PLEKHA3: variants seen among roughly 807,000 people sequenced by gnomAD.
The protein encoded by PLEKHA3 is pleckstrin homology domain-containing family A member 3.
Under a neutral mutation model 39.2 loss-of-function variants are expected in PLEKHA3, and 19 were observed. The observed-to-expected ratio is 0.48, with a 90% CI of 0.34 to 0.71. PLEKHA3 has a LOEUF of 0.71. PLEKHA3 is among the 30% of genes least tolerant of loss of function. The pLI, the probability that PLEKHA3 is intolerant of heterozygous loss-of-function variation, is 0.01. For missense variants in PLEKHA3, 253 were observed against 359.5 expected, an observed-to-expected ratio of 0.70 and a Z score of 2.40; for synonymous variants, 97 against 118.6, an observed-to-expected ratio of 0.82 and a Z score of 1.18.
At position 178,493,008 on chromosome 2, in the gene PLEKHA3, T is replaced by G. The variant is rs184442337; in HGVS notation, c.314-845T>G. Among the ~76,000 whole-genome samples the G allele has an allele frequency of 3.3e-5, 5 of 152,370 alleles. No homozygotes were observed. The East Asian group carries it at 7.7e-4, about 23-fold the overall frequency. On this transcript the variant is annotated intron_variant, in intron 3 of 7. Transcript: ENST00000234453. ...ATTTAGGTTAGATTAAATGCGCAGATAGAGCTGCTTTGTCCATTCTGGCAA... is the reference window on the plus strand; with the variant it reads ...ATTTAGGTTAGATTAAATGCGCAGAGAGAGCTGCTTTGTCCATTCTGGCAA...
chr2:178,494,384 TAAAAC>T (rs1403938508), intron 4 of PLEKHA3, among the ~76,000 whole-genome samples: 3 of 152,190 alleles, frequency 2.0e-5, no homozygotes, highest in Non-Finnish European at 4.4e-5. Context: ...TGAAATAACT[TAAAAC>T]AAATCCTTCT....
chr2:178,493,107 A>T (rs547021421), intron 3 of PLEKHA3, among the ~76,000 whole-genome samples: 11 of 152,292 alleles, frequency 7.2e-5, no homozygotes, highest in African/African-American at 2.2e-4. Context: ...AAGCACCAGA[A>T]ATTTACTCTA....
chr2:178,497,206 A>AAT (rs1016588008), intron 5 of PLEKHA3, among the ~76,000 whole-genome samples: 17 of 150,506 alleles, frequency 1.1e-4, no homozygotes, highest in Non-Finnish European at 1.6e-4. Context: ...AAATAAAATA[A>AAT]ATATATATAT....
chr2:178,489,765 A>G lies in PLEKHA3; in HGVS notation c.158-894A>G, dbSNP rs559499349. Among the ~76,000 whole-genome samples the G allele has an allele frequency of 2.6e-5, 4 of 151,950 alleles. No homozygotes were observed. The East Asian group carries it at 7.7e-4, about 29-fold the overall frequency. On this transcript the variant is annotated intron_variant, in intron 2 of 7. Transcript: ENST00000234453. ...TTCTTCTCATTCATTTTCTTAACCA[A>G]ATCCCGCTTTCATCAAACCCTTCTT...
At chr2:178,503,636 T>TA in intron 7 of PLEKHA3, 124 bp from the exon 8 acceptor site, 2 of 1,023,182 alleles carry the variant, frequency 2.0e-6, no homozygotes, top group South Asian at 1.9e-5. Context: ...AACAAGGAAA[T>TA]ACAAAATTAG....
chr2:178,516,057 T>C lies in PLEKHA3; in HGVS notation c.*12170T>C, dbSNP rs1317374745. ...TATATATAGCTTATATATGTGTATA[T>C]ACACATACATATATATATATACATA... On this transcript the variant is annotated 3_prime_UTR_variant, in exon 8 of 8. Transcript: ENST00000234453. 1 of 151,224 alleles carries C rather than the reference T, an allele frequency of 6.6e-6. No individual in the cohort carries two copies. The highest frequency in any genetic ancestry group is 1.5e-5 in the Non-Finnish European group (1 of 67,734). The allele number at this position is 151,224 out of a possible 1,614,324, so 9.4% of individuals were successfully genotyped here. A position where few individuals can be genotyped will look rare whatever the true frequency, so the allele number is the denominator to read the frequency against.
chr2:178,488,818 C>A, intron 2 of PLEKHA3: 1 of 275,210 alleles, frequency 3.6e-6, no homozygotes, highest in South Asian at 3.7e-5. Flanking sequence ...GAATTATATT[C>A]TTGATGATAT....
chr2:178,491,073 C>T (rs1003921252), intron 3 of PLEKHA3, among the ~76,000 whole-genome samples: 9 of 146,960 alleles, frequency 6.1e-5, no homozygotes, highest in East Asian at 2.0e-4. Context: ...TGCAATGGCG[C>T]GATCTCGGCT....
At position 178,515,650 on chromosome 2, in the gene PLEKHA3, T is replaced by C. The variant is rs949372210; in HGVS notation, c.*11763T>C. 1 of 152,194 alleles carries C rather than the reference T, an allele frequency of 6.6e-6. No homozygotes were observed. The highest frequency in any genetic ancestry group is 2.4e-5 in the African/African-American group (1 of 41,464). The allele number at this position is 152,194 out of a possible 1,614,324, so 9.4% of individuals were successfully genotyped here. ...AAAAATTTCTTCAGTTAATATTCAT[T>C]GACCACTCACTAAGTGTTATGTTGC... On this transcript the variant is annotated 3_prime_UTR_variant, in exon 8 of 8. Transcript: ENST00000234453.
chr2:178,509,985 C>T lies in PLEKHA3; in HGVS notation c.*6098C>T, dbSNP rs1005104646. 6.6e-6 allele frequency: 1 copy of T among 152,206 alleles called. No individual in the cohort carries two copies. The highest frequency in any genetic ancestry group is 2.1e-4 in the South Asian group (1 of 4,824). 9.4% of individuals were successfully genotyped at this position (152,206 alleles called of 1,614,324 possible). A position where few individuals can be genotyped will look rare whatever the true frequency, so the allele number is the denominator to read the frequency against. ...TCCTGGGTTCAAGCAATTCTCTTGTCTCAGCCTCCTAGGCTACAGGCTAGG... is the reference window on the plus strand; with the variant it reads ...TCCTGGGTTCAAGCAATTCTCTTGTTTCAGCCTCCTAGGCTACAGGCTAGG... On this transcript the variant is annotated 3_prime_UTR_variant, in exon 8 of 8. Transcript: ENST00000234453.
Position 178,510,541 on chromosome 2 carries a change from A to G in PLEKHA3, c.*6654A>G, listed in dbSNP as rs1685667298. 6.5e-6 allele frequency: 1 copy of G among 153,736 alleles called. No individual in the cohort carries two copies. The highest frequency in any genetic ancestry group is 6.5e-5 in the Admixed American group (1 of 15,276). 9.5% of individuals were successfully genotyped at this position (153,736 alleles called of 1,614,324 possible). A position where few individuals can be genotyped will look rare whatever the true frequency, so the allele number is the denominator to read the frequency against. On this transcript the variant is annotated 3_prime_UTR_variant, in exon 8 of 8. Coordinates refer to ENST00000234453, the MANE Select transcript of PLEKHA3 (RefSeq NM_019091.4). ...AGGTCATGTGGGTACCACCCTCATG[A>G]ATAGATTAATGCCGCCGTGTAAAGG...
chr2:178,507,607 A>G lies in PLEKHA3; in HGVS notation c.*3720A>G, dbSNP rs897685405. On this transcript the variant is annotated 3_prime_UTR_variant, in exon 8 of 8. Transcript: ENST00000234453. ...TACTGTTGCCCTCCAGGCCTGTTCT[A>G]TGGTTCAGCAGTCATTCTGAAACTC... is the stretch of plus-strand genomic sequence containing the variant. The G allele has an allele frequency of 8.5e-6, 1 of 117,358 alleles. No homozygotes were observed. Among genetic ancestry groups the G allele is most frequent in the Non-Finnish European group, 1.7e-5 (1 of 59,132 alleles). 7.3% of individuals were successfully genotyped at this position (117,358 alleles called of 1,614,324 possible).
At chr2:178,482,555 A>AAAG (rs1685186596) in intron 1 of PLEKHA3, among the ~76,000 whole-genome samples, 1 of 146,524 alleles carries the variant, frequency 6.8e-6, no homozygotes, top group Admixed American at 6.7e-5. Context: ...CCTGTCTCAA[A>AAAG]AAAAAAAAAA....
intron 3 of PLEKHA3, 77 bp from the exon 4 acceptor site, chr2:178,493,776 T>A (rs1028313192): frequency 1.5e-6 from 2 of 1,334,078 alleles, no homozygotes; most frequent in South Asian, 1.4e-5. Context: ...ATTGCTTTTT[T>A]AAATGATTAC....
Position 178,495,657 on chromosome 2 carries a change from A to G in PLEKHA3, c.612A>G (p.Gln204=), listed in dbSNP as rs771485390. The change falls in exon 5 of 8, where the codon CAA becomes CAG. Residue 204 remains glutamine (Q), a synonymous_variant. Coordinates refer to ENST00000234453, the MANE Select transcript of PLEKHA3 (RefSeq NM_019091.4). The part of the protein sequence containing the change: ...LVSPVSPSPV[Q]MMKRSVSHPG... ...CTCCTGTGTCACCTTCTCCTGTTCAAATGGTTTGAACTTCTTGTTTTGGTT... is the reference window on the plus strand; with the variant it reads ...CTCCTGTGTCACCTTCTCCTGTTCAGATGGTTTGAACTTCTTGTTTTGGTT... 1 of 1,602,696 alleles carries G rather than the reference A, an allele frequency of 6.2e-7. No individual in the cohort carries two copies. The highest frequency in any genetic ancestry group is 1.3e-5 in the African/African-American group (1 of 74,410).
chr2:178,501,215 C>T, intron 7 of PLEKHA3, 39 bp downstream of exon 7: 1 of 1,470,932 alleles, frequency 6.8e-7, no homozygotes, highest in Non-Finnish European at 9.5e-7. Context: ...TTGGCATATT[C>T]AGCAAAATTA....
chr2:178,509,478 GT>G lies in PLEKHA3; in HGVS notation c.*5606del, dbSNP rs368750819. On this transcript the variant is annotated 3_prime_UTR_variant, in exon 8 of 8. Coordinates refer to ENST00000234453, the MANE Select transcript of PLEKHA3 (RefSeq NM_019091.4). ...ATCATTATTATTATTACTACTATCA[GT>G]TTTTTTTTTTTTTTCTGAGACAGGG... 349 of 141,556 alleles carry G rather than the reference GT, an allele frequency of 2.5e-3. 2 individuals are homozygous for G. The highest frequency in any genetic ancestry group is 5.8e-3 in the African/African-American group (224 of 38,718). The allele number at this position is 141,556 out of a possible 1,614,324, so 8.8% of individuals were successfully genotyped here. A position where few individuals can be genotyped will look rare whatever the true frequency, so the allele number is the denominator to read the frequency against.
chr2:178,496,088 C>T (rs140677489), intron 5 of PLEKHA3, among the ~76,000 whole-genome samples: 374 of 152,282 alleles, frequency 2.5e-3, no homozygotes, highest in Middle Eastern at 6.8e-3. Flanking sequence ...CCGGTGGGAA[C>T]GGTATTCTCT....
Position 178,513,881 on chromosome 2 carries a change from G to A in PLEKHA3, c.*9994G>A. The A allele has an allele frequency of 6.6e-6, 1 of 151,872 alleles. No homozygotes were observed. Among genetic ancestry groups the A allele is most frequent in the East Asian group, 1.9e-4 (1 of 5,180 alleles). The allele number at this position is 151,872 out of a possible 1,614,324, so 9.4% of individuals were successfully genotyped here. A position where few individuals can be genotyped will look rare whatever the true frequency, so the allele number is the denominator to read the frequency against. On this transcript the variant is annotated 3_prime_UTR_variant, in exon 8 of 8. Transcript: ENST00000234453. Reference sequence around the variant, plus strand: ...CATTTGACAAATTTATATGGTAAATGAGCATAAAATGAATATCTTTTCAGT... The same window carrying A: ...CATTTGACAAATTTATATGGTAAATAAGCATAAAATGAATATCTTTTCAGT...
Sources: gnomAD v4.1 joint callset for allele counts (sites outside exome capture counted in the v4.1 genomes callset) on GRCh38, gnomAD v4.1.1 for gene constraint, MANE v1.5 for transcripts, NCBI Gene and HGNC (gene_info 2026-07-23, HGNC 2026-07-21) for gene names.